Variants in DMD observed in about 807,000 individuals in gnomAD.
The protein encoded by DMD is dystrophin, also known as mutant dystrophin.
Under a neutral mutation model 330.1 loss-of-function variants are expected in DMD, and 63 were observed. The observed-to-expected ratio is 0.19, with a 90% CI of 0.16 to 0.24. The LOEUF is 0.24. Among genes scored for constraint, DMD ranks in the 10% least tolerant of loss-of-function variants. The pLI is 1.00. For missense variants in DMD, 3,344 were observed against 2,684.1 expected (o/e 1.25, Z -5.43); for synonymous variants, 1,223 against 959.8 (o/e 1.27, Z -5.07).
At chrX:32,842,341 A>G (rs1317697310) in intron 4 of DMD, among the ~76,000 whole-genome samples, 2 of 112,447 alleles carry the variant, frequency 1.8e-5, no homozygotes, top group South Asian at 3.7e-4. Flanking sequence ...CCCACTGACA[A>G]GCATGCACAC....
At chrX:32,142,575 T>A (rs890401287) in intron 44 of DMD, among the ~76,000 whole-genome samples, 1 of 112,395 alleles carries the variant, frequency 8.9e-6, no homozygotes, top group African/African-American at 3.2e-5. Flanking sequence ...AAGTCCATGA[T>A]AATATGGAAC....
At chrX:32,213,260 C>T (rs1351517760) in intron 44 of DMD, among the ~76,000 whole-genome samples, 1 of 112,063 alleles carries the variant, frequency 8.9e-6, no homozygotes, top group Non-Finnish European at 1.9e-5. Flanking sequence ...TACATCCTGT[C>T]TTCTAAAATA....
chrX:32,764,782 ATTCTT>A (rs2072760146), intron 7 of DMD, among the ~76,000 whole-genome samples: 1 of 111,179 alleles, frequency 9.0e-6, no homozygotes, highest in South Asian at 3.7e-4. Flanking sequence ...CCTTTTTTCA[ATTCTT>A]TTGAGTATAT....
chrX:32,692,658 AC>A (rs2063363134), intron 9 of DMD, among the ~76,000 whole-genome samples: 1 of 112,207 alleles, frequency 8.9e-6, no homozygotes, highest in African/African-American at 3.2e-5. Context: ...CAACCTCAGA[AC>A]AAAAAAGGAT....
intron 61 of DMD, among the ~76,000 whole-genome samples, chrX:31,327,164 A>G (rs1240569760): frequency 8.9e-6 from 1 of 112,363 alleles, no homozygotes; most frequent in Non-Finnish European, 1.9e-5. Flanking sequence ...ATCATACGGC[A>G]CCAGCATCAT....
At chrX:32,266,452 A>C (rs1225406041) in intron 43 of DMD, among the ~76,000 whole-genome samples, 1 of 112,034 alleles carries the variant, frequency 8.9e-6, no homozygotes, top group Non-Finnish European at 1.9e-5. Context: ...TTACTTATTA[A>C]TGCTAAACTG....
intron 1 of DMD, among the ~76,000 whole-genome samples, chrX:33,150,708 G>T (rs1236532258): frequency 9.2e-6 from 1 of 108,716 alleles, no homozygotes; most frequent in African/African-American, 3.4e-5. Context: ...TTCTTGTCTC[G>T]TTCTGATTTA....
chrX:31,347,676 T>G (rs183019212), intron 61 of DMD, among the ~76,000 whole-genome samples: 2 of 112,668 alleles, frequency 1.8e-5, no homozygotes, highest in East Asian at 5.5e-4. Flanking sequence ...TTTTAAACAG[T>G]GCTGTGATAA....
chrX:31,581,100 T>G (rs1029019240), intron 55 of DMD, among the ~76,000 whole-genome samples: 1 of 112,072 alleles, frequency 8.9e-6, no homozygotes, highest in Non-Finnish European at 1.9e-5. Flanking sequence ...CTCCTTTATT[T>G]TAGCAATACT....
intron 60 of DMD, among the ~76,000 whole-genome samples, chrX:31,351,801 T>G (rs2058442643): frequency 9.5e-6 from 1 of 104,839 alleles, no homozygotes; most frequent in African/African-American, 3.6e-5. Context: ...AATACAAAAA[T>G]GGCTAATGTT....
At chrX:31,878,706 CA>C (rs1362253792) in intron 47 of DMD, among the ~76,000 whole-genome samples, 6 of 111,931 alleles carry the variant, frequency 5.4e-5, no homozygotes, top group Non-Finnish European at 1.1e-4. Context: ...GAAAATTGGA[CA>C]AAAGATAAGG....
intron 41 of DMD, among the ~76,000 whole-genome samples, chrX:32,329,014 A>G (rs2097666007): frequency 9.0e-6 from 1 of 111,713 alleles, no homozygotes; most frequent in African/African-American, 3.3e-5. Context: ...TTCCACAGGA[A>G]GATGTTATAC....
At chrX:31,350,285 A>G (rs1231793837) in intron 60 of DMD, among the ~76,000 whole-genome samples, 3 of 111,116 alleles carry the variant, frequency 2.7e-5, no homozygotes, top group Non-Finnish European at 5.6e-5. Flanking sequence ...TCCCAGATCA[A>G]TGCTGTTAGT....
At chrX:31,595,502 G>A (rs775467211) in intron 55 of DMD, among the ~76,000 whole-genome samples, 1 of 111,154 alleles carries the variant, frequency 9.0e-6, no homozygotes, top group South Asian at 3.7e-4. Context: ...AGGACATTGA[G>A]TAGTGCTTTC....
intron 63 of DMD, 27 bp downstream of exon 63, chrX:31,260,928 T>G: frequency 1.7e-6 from 2 of 1,196,826 alleles, no homozygotes; most frequent in Non-Finnish European, 2.3e-6. Context: ...GTCATTTAAC[T>G]TGGAGGAAAC....
At position 32,216,207 on chromosome X, in the gene DMD, C is replaced by G. The variant is rs1044607790; in HGVS notation, c.6438+709G>C. Among the ~76,000 whole-genome samples the G allele has an allele frequency of 6.3e-5, 7 of 111,929 alleles. No homozygotes were observed. The East Asian group carries it at 8.4e-4, about 14-fold the overall frequency. ...AAAGATGCAAAAATAATTAAGTCTT[C>G]GTGTAATAAACACAGTGTTTCTTAT... On this transcript the variant is annotated intron_variant, in intron 44 of 78. Coordinates refer to ENST00000357033, the MANE Select transcript of DMD (RefSeq NM_004006.3).
intron 43 of DMD, among the ~76,000 whole-genome samples, chrX:32,218,537 C>A (rs996664739): frequency 8.9e-6 from 1 of 111,883 alleles, no homozygotes; most frequent in African/African-American, 3.2e-5. Context: ...CAGTCCTCTA[C>A]CTTCATTCAG....
At chrX:31,229,902 A>G (rs977460773) in intron 63 of DMD, among the ~76,000 whole-genome samples, 2 of 112,417 alleles carry the variant, frequency 1.8e-5, no homozygotes, top group Admixed American at 9.5e-5. Flanking sequence ...TCACTAGAAC[A>G]GACAAGAACC....
chrX:32,335,214 T>G (rs1443935484), intron 41 of DMD, among the ~76,000 whole-genome samples: 1 of 109,184 alleles, frequency 9.2e-6, no homozygotes, highest in East Asian at 2.9e-4. Context: ...ACTACTTTTT[T>G]TTCTTGAGGC....
Sources: gnomAD v4.1 joint callset for allele counts (sites outside exome capture counted in the v4.1 genomes callset) on GRCh38, gnomAD v4.1.1 for gene constraint, MANE v1.5 for transcripts, NCBI Gene and HGNC (gene_info 2026-07-23, HGNC 2026-07-21) for gene names.